Variants in FAM124A observed in about 807,000 individuals in gnomAD.
FAM124A encodes protein FAM124A.
FAM124A carries 23 observed loss-of-function variants against 24.5 expected under a neutral mutation model. That is an observed-to-expected ratio of 0.94 (90% CI 0.68 to 1.33). The LOEUF (loss-of-function observed/expected upper bound fraction) is 1.33, where lower values mean the gene tolerates loss of function less well. FAM124A is among the 40% of genes most tolerant of loss of function. The pLI, the probability that FAM124A is intolerant of heterozygous loss-of-function variation, is 0.00. For synonymous variants in FAM124A, 287 were observed against 314.7 expected (o/e 0.91, Z 0.93); for missense variants, 623 against 722.8 (o/e 0.86, Z 1.58).
rs1732867412 is a variant in FAM124A, at chr13:51,282,697, C to T, written c.*1441C>T. The T allele has an allele frequency of 1.3e-5, 2 of 152,246 alleles. No homozygotes were observed. The highest frequency in any genetic ancestry group is 2.9e-5 in the Non-Finnish European group (2 of 68,082). The allele number at this position is 152,246 out of a possible 1,614,324, so 9.4% of individuals were successfully genotyped here. A position where few individuals can be genotyped will look rare whatever the true frequency, so the allele number is the denominator to read the frequency against. Reference sequence around the variant, plus strand: ...CCCAGACACAGCCTCAGAGTCCTTTCCAACACGACCCTCCAGGCAGCAGTT... The same window carrying T: ...CCCAGACACAGCCTCAGAGTCCTTTTCAACACGACCCTCCAGGCAGCAGTT... On this transcript the variant is annotated 3_prime_UTR_variant, in exon 4 of 4. Coordinates refer to ENST00000322475, the MANE Select transcript of FAM124A (RefSeq NM_001242312.2).
At position 51,284,223 on chromosome 13, in the gene FAM124A, T is replaced by C. The variant is rs1412874120; in HGVS notation, c.*2967T>C. 2.0e-5 allele frequency: 3 copies of C among 152,246 alleles called. No individual in the cohort carries two copies. Among genetic ancestry groups the C allele is most frequent in the African/African-American group, 7.2e-5 (3 of 41,460 alleles). The allele number at this position is 152,246 out of a possible 1,614,324, so 9.4% of individuals were successfully genotyped here. A position where few individuals can be genotyped will look rare whatever the true frequency, so the allele number is the denominator to read the frequency against. On this transcript the variant is annotated 3_prime_UTR_variant, in exon 4 of 4. Transcript: ENST00000322475. ...TGGCACATTGTAGGTGCTCAATAAA[T>C]GTGTTCAATTGAAAAATATTGAGGT...
intron 1 of FAM124A, among the ~76,000 whole-genome samples, chr13:51,224,035 G>T (rs996517956): frequency 2.0e-5 from 3 of 152,186 alleles, no homozygotes; most frequent in Non-Finnish European, 4.4e-5. Flanking sequence ...GACCCAGGGG[G>T]TGACATCGCC....
intron 2 of FAM124A, among the ~76,000 whole-genome samples, chr13:51,243,747 G>A (rs980394414): frequency 6.6e-6 from 1 of 152,036 alleles, no homozygotes; most frequent in Non-Finnish European, 1.5e-5. Context: ...TGTTGCCCAG[G>A]CTGGTCTTGA....
At chr13:51,249,960 CTTCT>C (rs1330128221) in intron 2 of FAM124A, among the ~76,000 whole-genome samples, 4 of 152,282 alleles carry the variant, frequency 2.6e-5, no homozygotes, top group African/African-American at 9.6e-5. Context: ...TTAGTGCCAG[CTTCT>C]TTGTGTCCCC....
chr13:51,255,585 T>C (rs1432184477), intron 3 of FAM124A, among the ~76,000 whole-genome samples: 2 of 152,240 alleles, frequency 1.3e-5, no homozygotes, highest in African/African-American at 4.8e-5. Context: ...ATGCTTTAGA[T>C]GCACATATAG....
chr13:51,262,230 A>G (rs1194822271), intron 3 of FAM124A, among the ~76,000 whole-genome samples: 1 of 152,244 alleles, frequency 6.6e-6, no homozygotes, highest in Non-Finnish European at 1.5e-5. Flanking sequence ...CACCAGATCA[A>G]AAACCTACTT....
chr13:51,269,882 G>A (rs1954823107), intron 3 of FAM124A, among the ~76,000 whole-genome samples: 1 of 152,146 alleles, frequency 6.6e-6, no homozygotes, highest in African/African-American at 2.4e-5. Context: ...ATCTGATTAT[G>A]TAAACCCCCA....
intron 1 of FAM124A, among the ~76,000 whole-genome samples, chr13:51,224,464 T>A (rs200819710): frequency 0.16 from 22,761 of 141,222 alleles, 2,196 homozygotes; most frequent in East Asian, 0.49. Flanking sequence ...AGAGCAAAAC[T>A]CCATCTCCAA....
At chr13:51,238,754 G>A (rs1458140046) in intron 2 of FAM124A, among the ~76,000 whole-genome samples, 6 of 152,126 alleles carry the variant, frequency 3.9e-5, no homozygotes, top group Admixed American at 3.3e-4. Context: ...TCATGGTGTG[G>A]GGCCTGTATA....
At chr13:51,237,989 C>T (rs140703472) in intron 2 of FAM124A, among the ~76,000 whole-genome samples, 2 of 152,278 alleles carry the variant, frequency 1.3e-5, no homozygotes, top group Admixed American at 6.5e-5. Flanking sequence ...TGTCAGGTTC[C>T]GAGGCCTCCT....
chr13:51,233,706 T>C (rs773581884), intron 2 of FAM124A, among the ~76,000 whole-genome samples: 1 of 152,198 alleles, frequency 6.6e-6, no homozygotes, highest in Non-Finnish European at 1.5e-5. Context: ...AGTAACATAG[T>C]TGACTTTCTG....
intron 3 of FAM124A, among the ~76,000 whole-genome samples, chr13:51,259,254 C>T (rs1190307862): frequency 6.6e-6 from 1 of 152,144 alleles, no homozygotes; most frequent in Non-Finnish European, 1.5e-5. Context: ...AGCCACTTCT[C>T]CACTGGATGG....
rs1449352554 is a variant in FAM124A at position 51,284,091 on chromosome 13, C to T, written c.*2835C>T. On this transcript the variant is annotated 3_prime_UTR_variant, in exon 4 of 4. Coordinates refer to ENST00000322475, the MANE Select transcript of FAM124A (RefSeq NM_001242312.2). Reference sequence around the variant, plus strand: ...ACAGGAACACATTTACCAAAGCCTTCCCTTCCATTCCTGGCCATTCCAGTA... The same window carrying T: ...ACAGGAACACATTTACCAAAGCCTTTCCTTCCATTCCTGGCCATTCCAGTA... 1.3e-5 allele frequency: 2 copies of T among 152,256 alleles called. No individual in the cohort carries two copies. The highest frequency in any genetic ancestry group is 2.9e-5 in the Non-Finnish European group (2 of 68,058). The allele number at this position is 152,256 out of a possible 1,614,324, so 9.4% of individuals were successfully genotyped here.
At chr13:51,234,863 G>T (rs1954419372) in intron 2 of FAM124A, among the ~76,000 whole-genome samples, 1 of 152,190 alleles carries the variant, frequency 6.6e-6, no homozygotes, top group East Asian at 1.9e-4. Context: ...GGTCACAGTA[G>T]AGAGACTGTG....
chr13:51,241,303 T>TC (rs150367001), intron 2 of FAM124A, among the ~76,000 whole-genome samples: 2,239 of 152,346 alleles, frequency 0.015, 56 homozygotes, highest in African/African-American at 0.052. Context: ...ATTCTCTGCG[T>TC]CATTTAGAAT....
At chr13:51,224,067 G>T (rs1020839471) in intron 1 of FAM124A, among the ~76,000 whole-genome samples, 1 of 152,200 alleles carries the variant, frequency 6.6e-6, no homozygotes, top group Non-Finnish European at 1.5e-5. Flanking sequence ...ACATCAGCAT[G>T]ACAGCGGCCA....
At chr13:51,229,258 G>C (rs1954348791) in intron 1 of FAM124A, among the ~76,000 whole-genome samples, 1 of 152,226 alleles carries the variant, frequency 6.6e-6, no homozygotes. Flanking sequence ...TCCAGAGAGA[G>C]ACATGATCAG....
intron 3 of FAM124A, among the ~76,000 whole-genome samples, chr13:51,270,668 C>T (rs977956191): frequency 6.6e-6 from 1 of 152,210 alleles, no homozygotes; most frequent in Non-Finnish European, 1.5e-5. Flanking sequence ...ACATTTTCCC[C>T]CCTTAGGCAG....
rs1452892404 is a variant in FAM124A at position 51,251,886 on chromosome 13, C to G, written c.519C>G (p.Arg173=). Residue 173 remains arginine (R), a synonymous_variant, in exon 3 of 4, where the codon CGC becomes CGG. Transcript: ENST00000322475. The surrounding 1 kb of genome is among the most constrained non-coding windows in gnomAD (Gnocchi z 5.3). ...TGCACTACGGCAAGGAAATCGTGCG[C>G]TTCACCGTCTACTGTCGCTACGACA... The part of the protein sequence containing the change: ...RPVHYGKEIV[R]FTVYCRYDNY... The G allele has an allele frequency of 1.9e-6, 3 of 1,613,952 alleles. No homozygotes were observed. The highest frequency in any genetic ancestry group is 2.5e-6 in the Non-Finnish European group (3 of 1,180,028).
Sources: gnomAD v4.1 joint callset for allele counts (sites outside exome capture counted in the v4.1 genomes callset) on GRCh38, gnomAD v4.1.1 for gene constraint, Gnocchi (gnomAD v3.1) non-coding constraint, MANE v1.5 for transcripts, NCBI Gene and HGNC (gene_info 2026-07-23, HGNC 2026-07-21) for gene names.